The following TMTC2 variants were observed in gnomAD, a reference collection of about 807,000 sequenced individuals.
TMTC2 encodes protein O-mannosyl-transferase TMTC2.
In TMTC2, 43 loss-of-function variants were observed where a neutral mutation model predicts 82.4. The observed-to-expected ratio is 0.52, with a 90% CI of 0.41 to 0.67. The LOEUF is 0.67. TMTC2 is among the 30% of genes least tolerant of loss of function. The pLI, the probability that TMTC2 is intolerant of heterozygous loss-of-function variation, is 0.00. For missense variants in TMTC2, 919 were observed against 1,012.4 expected (o/e 0.91, Z 1.25); for synonymous variants, 408 against 381.9 (o/e 1.07, Z -0.80).
At chr12:82,958,079 C>A (rs1008982984) in intron 4 of TMTC2, among the ~76,000 whole-genome samples, 1 of 151,962 alleles carries the variant, frequency 6.6e-6, no homozygotes, top group African/African-American at 2.4e-5. Context: ...GGAAGAAAAC[C>A]AGGCTGGGCA....
intron 2 of TMTC2, among the ~76,000 whole-genome samples, chr12:82,871,069 G>A (rs964443085): frequency 6.6e-6 from 1 of 152,152 alleles, no homozygotes; most frequent in Non-Finnish European, 1.5e-5. Context: ...CACAGCTGGT[G>A]GTAATGAGAA....
At chr12:82,817,049 C>T (rs1240932890) in intron 1 of TMTC2, among the ~76,000 whole-genome samples, 1 of 149,834 alleles carries the variant, frequency 6.7e-6, no homozygotes, top group East Asian at 2.0e-4. Flanking sequence ...CTCACTGTAA[C>T]CTCCGCCTCC....
intron 1 of TMTC2, among the ~76,000 whole-genome samples, chr12:82,793,027 T>C (rs974669677): frequency 1.3e-5 from 2 of 152,144 alleles, no homozygotes; most frequent in African/African-American, 4.8e-5. Context: ...TATATTTTTA[T>C]GTTTACTTTG....
chr12:82,856,877 A>G (rs1381935401), intron 1 of TMTC2, 133 bp from the exon 2 acceptor site: 2 of 851,912 alleles, frequency 2.3e-6, no homozygotes, highest in Admixed American at 5.5e-5. Flanking sequence ...AATTCAGCTT[A>G]TATGTGCCTG....
intron 8 of TMTC2, among the ~76,000 whole-genome samples, chr12:82,995,326 A>G: frequency 1.7e-5 from 1 of 57,280 alleles, no homozygotes; most frequent in Non-Finnish European, 4.5e-5. Context: ...ATTTGGTTAT[A>G]CACACACACA....
intron 1 of TMTC2, among the ~76,000 whole-genome samples, chr12:82,731,634 ATAAT>A (rs1874814451): frequency 6.6e-6 from 1 of 152,228 alleles, no homozygotes; most frequent in Non-Finnish European, 1.5e-5. Context: ...ATTACTATAA[ATAAT>A]AGGCTTTATT....
chr12:82,762,983 C>T (rs933655013), intron 1 of TMTC2, among the ~76,000 whole-genome samples: 6 of 151,490 alleles, frequency 4.0e-5, no homozygotes, highest in South Asian at 2.1e-4. Flanking sequence ...AAGAAACACC[C>T]GAGACTGGGT....
At chr12:82,896,914 A>C (rs1175072578) in intron 3 of TMTC2, among the ~76,000 whole-genome samples, 2 of 152,188 alleles carry the variant, frequency 1.3e-5, no homozygotes. Context: ...TTGTGTAAAC[A>C]ATATTGACTA....
At chr12:82,809,547 T>C (rs936367170) in intron 1 of TMTC2, among the ~76,000 whole-genome samples, 1 of 152,136 alleles carries the variant, frequency 6.6e-6, no homozygotes, top group African/African-American at 2.4e-5. Flanking sequence ...TGTTTAAACA[T>C]ACAGTATATA....
At chr12:83,062,327 A>C (rs936220291) in intron 11 of TMTC2, among the ~76,000 whole-genome samples, 1 of 151,706 alleles carries the variant, frequency 6.6e-6, no homozygotes, top group Non-Finnish European at 1.5e-5. Flanking sequence ...TCTCTGGGTA[A>C]TCATGCTTCT....
chr12:82,730,724 C>G (rs998106191), intron 1 of TMTC2, among the ~76,000 whole-genome samples: 1 of 152,136 alleles, frequency 6.6e-6, no homozygotes, highest in African/African-American at 2.4e-5. Flanking sequence ...TTGATGGAGC[C>G]ATCTTGAAAA....
At chr12:83,050,281 A>G (rs577794125) in intron 9 of TMTC2, among the ~76,000 whole-genome samples, 1 of 152,148 alleles carries the variant, frequency 6.6e-6, no homozygotes, top group South Asian at 2.1e-4. Context: ...AATTGGGCCT[A>G]ACTTTTGTTT....
intron 4 of TMTC2, among the ~76,000 whole-genome samples, chr12:82,932,341 T>A (rs1441705614): frequency 6.6e-6 from 1 of 152,210 alleles, no homozygotes; most frequent in East Asian, 1.9e-4. Context: ...TCACAGTGTG[T>A]AATTTTTTTC....
intron 9 of TMTC2, among the ~76,000 whole-genome samples, chr12:83,034,982 TA>T (rs1881601416): frequency 6.6e-6 from 1 of 152,196 alleles, no homozygotes; most frequent in Non-Finnish European, 1.5e-5. Flanking sequence ...TTCCTCAACT[TA>T]AAAATAAATG....
At position 83,134,536 on chromosome 12, in the gene TMTC2, G is replaced by A. The variant is rs1055523530; in HGVS notation, c.*2147G>A. 5 of 146,952 alleles carry A rather than the reference G, an allele frequency of 3.4e-5. No homozygotes were observed. The highest frequency in any genetic ancestry group is 2.1e-4 in the East Asian group (1 of 4,832). 9.1% of individuals were successfully genotyped at this position (146,952 alleles called of 1,614,324 possible). ...ATTGGGCCTGTGTCATAAAATGCAC[G>A]GATCATTAATAACTAAATGTCCCTG... On this transcript the variant is annotated 3_prime_UTR_variant, in exon 12 of 12. Transcript: ENST00000321196.
chr12:82,746,453 G>A (rs745483950), intron 1 of TMTC2, among the ~76,000 whole-genome samples: 5 of 152,244 alleles, frequency 3.3e-5, no homozygotes, highest in East Asian at 1.9e-4. Flanking sequence ...TTCAGCACTC[G>A]TGTGTATAAT....
intron 11 of TMTC2, among the ~76,000 whole-genome samples, chr12:83,068,221 TAAC>T (rs1882988140): frequency 6.6e-6 from 1 of 152,052 alleles, no homozygotes; most frequent in Non-Finnish European, 1.5e-5. Flanking sequence ...GGAGTGGAAA[TAAC>T]CACTAAGACT....
At chr12:82,780,474 A>G (rs1008897609) in intron 1 of TMTC2, among the ~76,000 whole-genome samples, 1 of 151,976 alleles carries the variant, frequency 6.6e-6, no homozygotes, top group Non-Finnish European at 1.5e-5. Flanking sequence ...TGCAGACCTG[A>G]TTAAACACAT....
At chr12:82,736,528 G>A (rs1875132594) in intron 1 of TMTC2, among the ~76,000 whole-genome samples, 1 of 152,090 alleles carries the variant, frequency 6.6e-6, no homozygotes, top group South Asian at 2.1e-4. Context: ...ATGCTTTCCA[G>A]TAATGTAAGT....
Sources: allele counts gnomAD v4.1 joint callset (sites outside exome capture counted in the v4.1 genomes callset), GRCh38; gene constraint gnomAD v4.1.1; transcripts MANE v1.5; gene names NCBI Gene and HGNC (gene_info 2026-07-23, HGNC 2026-07-21).